PLCE1: variants seen among roughly 807,000 people sequenced by gnomAD.
PLCE1 encodes the protein 1-phosphatidylinositol 4,5-bisphosphate phosphodiesterase epsilon-1.
A neutral mutation model predicts 242.8 loss-of-function variants in PLCE1; 119 were observed. The observed-to-expected ratio is 0.49, with a 90% CI of 0.42 to 0.57. PLCE1 has a LOEUF of 0.57. PLCE1 is among the 20% of genes least tolerant of loss of function. PLCE1 has a pLI of 0.00. For synonymous variants in PLCE1, 945 were observed against 1,017.4 expected (o/e 0.93, Z 1.35); for missense variants, 2,441 against 2,788.8 (o/e 0.88, Z 2.81).
intron 2 of PLCE1, among the ~76,000 whole-genome samples, chr10:94,112,876 A>G (rs886461410): frequency 3.3e-5 from 5 of 152,232 alleles, no homozygotes; most frequent in African/African-American, 1.2e-4. Flanking sequence ...TGTGAAAAAA[A>G]TATATTTAAC....
At chr10:94,150,264 TG>T (rs1226616781) in intron 3 of PLCE1, among the ~76,000 whole-genome samples, 3 of 152,218 alleles carry the variant, frequency 2.0e-5, no homozygotes, top group African/African-American at 4.8e-5. Flanking sequence ...ATTTCAAAGA[TG>T]GGAAAACTGT....
intron 28 of PLCE1, among the ~76,000 whole-genome samples, chr10:94,313,903 G>A (rs561890651): frequency 5.3e-5 from 8 of 152,212 alleles, no homozygotes; most frequent in Admixed American, 4.6e-4. Context: ...TTTGCATGTT[G>A]AGCAGCCCCC....
chr10:94,004,594 G>A (rs1187235469), intron 1 of PLCE1, among the ~76,000 whole-genome samples: 1 of 152,214 alleles, frequency 6.6e-6, no homozygotes, highest in Non-Finnish European at 1.5e-5. Context: ...AGCCCAAGAT[G>A]TAAGAAGGTG....
chr10:94,146,140 A>T (rs2047104239), intron 3 of PLCE1, among the ~76,000 whole-genome samples: 1 of 152,148 alleles, frequency 6.6e-6, no homozygotes, highest in African/African-American at 2.4e-5. Context: ...CATTAGGACC[A>T]ATAGCCTGGA....
intron 3 of PLCE1, among the ~76,000 whole-genome samples, chr10:94,148,062 A>G (rs1203920660): frequency 6.6e-6 from 1 of 152,222 alleles, no homozygotes; most frequent in Non-Finnish European, 1.5e-5. Context: ...TAGAAACTGC[A>G]TGATCTGGGG....
intron 4 of PLCE1, among the ~76,000 whole-genome samples, chr10:94,179,798 AC>A (rs1465618872): frequency 6.6e-6 from 1 of 151,070 alleles, no homozygotes; most frequent in Admixed American, 6.6e-5. Context: ...ACGTCACCAC[AC>A]CCGGCCTAAT....
intron 9 of PLCE1, among the ~76,000 whole-genome samples, chr10:94,253,571 T>C (rs2050957919): frequency 6.6e-6 from 1 of 151,996 alleles, no homozygotes; most frequent in Admixed American, 6.6e-5. Flanking sequence ...CCCAGGCTGG[T>C]CTCGAACTCC....
chr10:94,045,562 G>A (rs1352031778), intron 2 of PLCE1, among the ~76,000 whole-genome samples: 1 of 152,036 alleles, frequency 6.6e-6, no homozygotes, highest in Non-Finnish European at 1.5e-5. Flanking sequence ...CTGGAATCAA[G>A]GTCTCTATAG....
chr10:94,187,502 A>T (rs2048520191), intron 4 of PLCE1, among the ~76,000 whole-genome samples: 2 of 152,290 alleles, frequency 1.3e-5, no homozygotes, highest in South Asian at 4.1e-4. Context: ...TCATAAAAAT[A>T]CTTGGGTACT....
chr10:94,113,551 T>C (rs1486764113), intron 2 of PLCE1, among the ~76,000 whole-genome samples: 1 of 152,206 alleles, frequency 6.6e-6, no homozygotes, highest in Non-Finnish European at 1.5e-5. Flanking sequence ...GAATGTACTG[T>C]ATGCCAGGCA....
intron 1 of PLCE1, among the ~76,000 whole-genome samples, chr10:94,008,191 C>CAAAA (rs745999207): frequency 1.1e-4 from 6 of 55,210 alleles, no homozygotes; most frequent in African/African-American, 2.6e-4. Flanking sequence ...GACCTTGTCT[C>CAAAA]AAAAAAAAAA....
chr10:94,088,565 G>A (rs1021399343), intron 2 of PLCE1, among the ~76,000 whole-genome samples: 1 of 152,188 alleles, frequency 6.6e-6, no homozygotes, highest in Non-Finnish European at 1.5e-5. Context: ...ATCAGTTATA[G>A]GAAGAAAAAT....
chr10:94,167,586 G>A (rs1007039529), intron 3 of PLCE1, among the ~76,000 whole-genome samples: 4 of 151,394 alleles, frequency 2.6e-5, no homozygotes, highest in Non-Finnish European at 5.9e-5. Context: ...TGTTACATAT[G>A]TATACATGTG....
At chr10:94,099,642 A>G (rs988808075) in intron 2 of PLCE1, 3 of 152,242 alleles carry the variant, frequency 2.0e-5, no homozygotes, top group African/African-American at 7.2e-5. Context: ...CAAATGCTCA[A>G]AAGTATTTGT....
chr10:94,031,973 TGTA>T lies in PLCE1; in HGVS notation c.929_931del (p.Val310del). ...AGGACTTCCCTGATAATTGTGATGA[TGTA>T]GAAGAAGACGCTTTTAAAAGCAAAA... On this transcript the variant is annotated inframe_deletion, in exon 2 of 33. Transcript: ENST00000371380. The T allele has an allele frequency of 6.2e-7, 1 of 1,613,812 alleles. No individual in the cohort carries two copies. Among genetic ancestry groups the T allele is most frequent in the South Asian group, 1.1e-5 (1 of 91,072 alleles).
intron 29 of PLCE1, among the ~76,000 whole-genome samples, chr10:94,321,538 G>C (rs992177229): frequency 1.3e-5 from 2 of 150,648 alleles, no homozygotes; most frequent in African/African-American, 4.9e-5. Flanking sequence ...TGAGGCAGGA[G>C]AATTGCTTGA....
chr10:94,164,907 C>A (rs112318747), intron 3 of PLCE1, among the ~76,000 whole-genome samples: 2,270 of 152,274 alleles, frequency 0.015, 66 homozygotes, highest in African/African-American at 0.051. Context: ...CCACTCTGGA[C>A]CCTGTTTGCC....
intron 3 of PLCE1, among the ~76,000 whole-genome samples, chr10:94,164,026 T>C (rs572536110): frequency 7.1e-4 from 108 of 152,332 alleles, no homozygotes; most frequent in African/African-American, 2.5e-3. Flanking sequence ...GATCAGCTGT[T>C]TGTCTGATGG....
chr10:94,024,105 AATCCATGTGCACCGTGTGCACGTG>A (rs1236005605), intron 1 of PLCE1, among the ~76,000 whole-genome samples: 1 of 152,206 alleles, frequency 6.6e-6, no homozygotes, highest in East Asian at 1.9e-4. Context: ...TACACACTTA[AATCCATGTGCACCGTGTGCACGTG>A]ATAAGGGAAA....
Sources: gnomAD v4.1 joint callset for allele counts (sites outside exome capture counted in the v4.1 genomes callset) on GRCh38, gnomAD v4.1.1 for gene constraint, MANE v1.5 for transcripts, NCBI Gene and HGNC (gene_info 2026-07-23, HGNC 2026-07-21) for gene names.